Variants in IQANK1 observed in about 807,000 individuals in gnomAD.
IQANK1 encodes IQ motif and ankyrin repeat domain-containing protein 1.
Under a neutral mutation model 22.6 loss-of-function variants are expected in IQANK1, and 30 were observed. The observed-to-expected ratio is 1.33, with a 90% CI of 0.99 to 1.80. IQANK1 has a LOEUF of 1.80. Ranked by LOEUF, IQANK1 falls within the 40% of genes most tolerant of loss-of-function variation. The pLI is 0.00. For synonymous variants in IQANK1, 122 were observed against 99.6 expected, an observed-to-expected ratio of 1.23 and a Z score of -1.34; for missense variants, 275 against 235.2, an observed-to-expected ratio of 1.17 and a Z score of -1.11.
At chr8:143,745,227 G>A (rs554476907) in intron 3 of IQANK1, 10 of 152,334 alleles carry the variant, frequency 6.6e-5, no homozygotes, top group East Asian at 1.9e-4. Context: ...GCTGCTGTCC[G>A]GCTGGCAGAG....
At position 143,788,896 on chromosome 8, in the gene IQANK1, A is replaced by C. The variant is rs1563782831; in HGVS notation, c.790-19A>C. ...TCGGAACACGCACTGAGGGCCCGACAAATGTCGTCTGTCACTAGGTGGCCT... is the reference window on the plus strand; with the variant it reads ...TCGGAACACGCACTGAGGGCCCGACCAATGTCGTCTGTCACTAGGTGGCCT... On this transcript the variant is annotated intron_variant, in intron 7 of 13. Coordinates refer to ENST00000527139, the MANE Select transcript of IQANK1 (RefSeq NM_001381874.1). 2 of 398,938 alleles carry C rather than the reference A, an allele frequency of 5.0e-6. No homozygotes were observed. The highest frequency in any genetic ancestry group is 8.8e-6 in the Non-Finnish European group (2 of 226,120). 24.7% of individuals were successfully genotyped at this position (398,938 alleles called of 1,614,324 possible).
intron 3 of IQANK1, among the ~76,000 whole-genome samples, chr8:143,740,175 C>G (rs896920757): frequency 5.3e-5 from 8 of 152,118 alleles, no homozygotes; most frequent in African/African-American, 1.9e-4. Flanking sequence ...TCGCCCACCT[C>G]CTGGTGCTCC....
intron 3 of IQANK1, among the ~76,000 whole-genome samples, chr8:143,754,580 C>T (rs1554628348): frequency 6.6e-6 from 1 of 152,086 alleles, no homozygotes; most frequent in African/African-American, 2.4e-5. Context: ...TCAAAGCCTG[C>T]AAGGGAGAGA....
intron 7 of IQANK1, among the ~76,000 whole-genome samples, chr8:143,785,768 C>T (rs1204850284): frequency 3.3e-5 from 5 of 151,614 alleles, no homozygotes; most frequent in African/African-American, 7.3e-5. Context: ...GCTCTGTCAC[C>T]CAGGCTGGAA....
intron 3 of IQANK1, among the ~76,000 whole-genome samples, chr8:143,748,958 AAT>A (rs1172244693): frequency 8.5e-6 from 1 of 117,894 alleles, no homozygotes; most frequent in Non-Finnish European, 1.6e-5. Flanking sequence ...TCTATATATA[AAT>A]ATATATCATA....
chr8:143,769,046 C>A (rs1819527712), intron 3 of IQANK1, among the ~76,000 whole-genome samples: 1 of 151,872 alleles, frequency 6.6e-6, no homozygotes, highest in Non-Finnish European at 1.5e-5. Flanking sequence ...TATACATATT[C>A]TATATGTATA....
At chr8:143,780,395 T>C (rs62526407) in intron 7 of IQANK1, among the ~76,000 whole-genome samples, 8,078 of 152,262 alleles carry the variant, frequency 0.053, 402 homozygotes, top group African/African-American at 0.13. Context: ...GACATAGTCA[T>C]GGGGATTTGT....
chr8:143,742,142 C>A, intron 3 of IQANK1: 1 of 349,040 alleles, frequency 2.9e-6, no homozygotes, highest in Non-Finnish European at 5.7e-6. Flanking sequence ...CTCACAGAGC[C>A]ACCCCCAAGC....
At chr8:143,783,082 A>G (rs1327709596) in intron 7 of IQANK1, among the ~76,000 whole-genome samples, 1 of 152,216 alleles carries the variant, frequency 6.6e-6, no homozygotes, top group Non-Finnish European at 1.5e-5. Context: ...TTTACTGCTG[A>G]TGAACGTTCA....
chr8:143,775,787 T>TACACACACACACACAC lies in IQANK1; in HGVS notation c.789+3326_789+3341dup, dbSNP rs35665050. Among the ~76,000 whole-genome samples the TACACACACACACACAC allele has an allele frequency of 4.7e-3, 607 of 129,478 alleles. 7 individuals are homozygous for TACACACACACACACAC. Among genetic ancestry groups the TACACACACACACACAC allele is most frequent in the African/African-American group, 0.012 (408 of 33,858 alleles). 84.9% of individuals were successfully genotyped at this position (129,478 alleles called of 152,430 possible). A position where few individuals can be genotyped will look rare whatever the true frequency, so the allele number is the denominator to read the frequency against. ...AAAAACAAAAAAACTATAGCTGTAT[T>TACACACACACACACAC]ACACACACACACACACACACACACA... On this transcript the variant is annotated intron_variant, in intron 7 of 13. Coordinates refer to ENST00000527139, the MANE Select transcript of IQANK1 (RefSeq NM_001381874.1).
At chr8:143,777,916 C>T (rs560761567) in intron 7 of IQANK1, among the ~76,000 whole-genome samples, 6 of 152,122 alleles carry the variant, frequency 3.9e-5, no homozygotes, top group African/African-American at 7.2e-5. Flanking sequence ...GGATTGTTGC[C>T]GGGCGCGGTG....
intron 2 of IQANK1, 29 bp from the exon 3 acceptor site, chr8:143,739,830 C>T: frequency 4.4e-6 from 3 of 685,464 alleles, no homozygotes; most frequent in Non-Finnish European, 5.3e-6. Flanking sequence ...TCTCTCATCC[C>T]AAGCTCACTG....
chr8:143,749,344 A>AAC (rs1819133889), intron 3 of IQANK1, among the ~76,000 whole-genome samples: 1 of 4,318 alleles, frequency 2.3e-4, no homozygotes, highest in Non-Finnish European at 7.0e-4. Flanking sequence ...AATATATAAA[A>AAC]ACATAAATAT....
intron 3 of IQANK1, among the ~76,000 whole-genome samples, chr8:143,747,909 A>AGTCCT (rs1313931092): frequency 9.8e-5 from 9 of 92,236 alleles, no homozygotes; most frequent in African/African-American, 1.7e-4. Context: ...GATTGTGTTA[A>AGTCCT]GTCCTTTCCT....
At position 143,751,664 on chromosome 8, in the gene IQANK1, G is replaced by GTATATA. The variant is rs71318622; in HGVS notation, c.175+11725_175+11730dup. Reference sequence around the variant, plus strand: ...TGTGTGTGTGTGTGTGTGTGTGTGTGTATATATATATATAAAATCCTATAC... The same window carrying GTATATA: ...TGTGTGTGTGTGTGTGTGTGTGTGTGTATATATATATATATATATAAAATCCTATAC... On this transcript the variant is annotated intron_variant, in intron 3 of 13. Coordinates refer to ENST00000527139, the MANE Select transcript of IQANK1 (RefSeq NM_001381874.1). 7.4e-3 allele frequency among the ~76,000 whole-genome samples: 458 copies of GTATATA among 61,544 alleles called. 31 individuals carry two copies. Among genetic ancestry groups the GTATATA allele is most frequent in the African/African-American group, 0.014 (320 of 22,858 alleles). The allele number at this position is 61,544 out of a possible 152,430, so 40.4% of individuals were successfully genotyped here.
intron 3 of IQANK1, among the ~76,000 whole-genome samples, chr8:143,766,887 C>A (rs781782936): frequency 6.6e-6 from 1 of 152,144 alleles, no homozygotes; most frequent in African/African-American, 2.4e-5. Context: ...AGACACCTGT[C>A]CTCCCTCTCC....
chr8:143,765,290 G>A lies in IQANK1; in HGVS notation c.176-6198G>A, dbSNP rs567026617. ...GAGAATCACTTGAACCCTGGAGGCC[G>A]AGGTTGCAGTGAGCCAGGATCACAC... On this transcript the variant is annotated intron_variant, in intron 3 of 13. Transcript: ENST00000527139. 3.3e-5 allele frequency among the ~76,000 whole-genome samples: 5 copies of A among 152,090 alleles called. No homozygotes were observed. The East Asian group carries it at 7.7e-4, about 24-fold the overall frequency.
chr8:143,742,175 C>A, intron 3 of IQANK1: 1 of 355,756 alleles, frequency 2.8e-6, no homozygotes, highest in Non-Finnish European at 5.6e-6. Flanking sequence ...TCCGCATCAC[C>A]ACTGTCCCGG....
chr8:143,750,148 G>A (rs199835460), intron 3 of IQANK1, among the ~76,000 whole-genome samples: 17 of 151,940 alleles, frequency 1.1e-4, no homozygotes, highest in Non-Finnish European at 1.6e-4. Flanking sequence ...ACAGGCATGC[G>A]CCACCACGCC....
Sources: allele counts gnomAD v4.1 joint callset (sites outside exome capture counted in the v4.1 genomes callset), GRCh38; gene constraint gnomAD v4.1.1; transcripts MANE v1.5; gene names NCBI Gene and HGNC (gene_info 2026-07-23, HGNC 2026-07-21).